The following ADAMTSL1 variants were observed in gnomAD, a reference collection of about 807,000 sequenced individuals.
ADAMTSL1 encodes ADAMTS like 1.
Under a neutral mutation model 201.8 loss-of-function variants are expected in ADAMTSL1, and 126 were observed. That is an observed-to-expected ratio of 0.62 (90% CI 0.54 to 0.72). The LOEUF (loss-of-function observed/expected upper bound fraction) is 0.72. Among genes scored for constraint, ADAMTSL1 ranks in the 30% least tolerant of loss-of-function variants. ADAMTSL1 has a pLI of 0.00. For missense variants in ADAMTSL1, 2,679 were observed against 2,277.8 expected (o/e 1.18, Z -3.59); for synonymous variants, 1,121 against 903.4 (o/e 1.24, Z -4.32).
intron 19 of ADAMTSL1, 108 bp downstream of exon 19, chr9:18,778,014 A>T (rs568062278): frequency 4.9e-5 from 69 of 1,421,130 alleles, no homozygotes; most frequent in Non-Finnish European, 1.9e-6. Context: ...TAGGGCTTAG[A>T]GCTGGCCTCG....
intron 7 of ADAMTSL1, among the ~76,000 whole-genome samples, chr9:18,647,188 G>A (rs1827871344): frequency 6.6e-6 from 1 of 152,126 alleles, no homozygotes; most frequent in Non-Finnish European, 1.5e-5. Context: ...GGTGCTTGTA[G>A]TATCCTCTGA....
At chr9:18,715,923 AATAACGCCGCAT>A (rs1278278228) in intron 14 of ADAMTSL1, among the ~76,000 whole-genome samples, 1 of 151,794 alleles carries the variant, frequency 6.6e-6, no homozygotes, top group African/African-American at 2.4e-5. Flanking sequence ...AGCCCTCAGA[AATAACGCCGCAT>A]ATCTACAACT....
intron 1 of ADAMTSL1, among the ~76,000 whole-genome samples, chr9:17,984,323 T>C (rs527951630): frequency 6.6e-6 from 1 of 152,268 alleles, no homozygotes; most frequent in East Asian, 1.9e-4. Context: ...TCCCAATGAC[T>C]AGCTGGCTGA....
chr9:18,854,115 C>G (rs1406270251), intron 23 of ADAMTSL1, among the ~76,000 whole-genome samples: 1 of 152,078 alleles, frequency 6.6e-6, no homozygotes, highest in Non-Finnish European at 1.5e-5. Context: ...ACTCTCATCT[C>G]CTATAATTAG....
At chr9:18,075,692 GA>G (rs1377058062) in intron 1 of ADAMTSL1, among the ~76,000 whole-genome samples, 1 of 152,204 alleles carries the variant, frequency 6.6e-6, no homozygotes, top group African/African-American at 2.4e-5. Context: ...ATTAGGGAAA[GA>G]AAGTAACATC....
chr9:18,112,640 T>C (rs986963960), intron 1 of ADAMTSL1, among the ~76,000 whole-genome samples: 1 of 152,072 alleles, frequency 6.6e-6, no homozygotes, highest in Admixed American at 6.6e-5. Flanking sequence ...AATTGCAATA[T>C]AGTGATGAGC....
At chr9:18,377,135 C>A (rs1022624295) in intron 2 of ADAMTSL1, among the ~76,000 whole-genome samples, 2 of 152,164 alleles carry the variant, frequency 1.3e-5, no homozygotes, top group African/African-American at 4.8e-5. Flanking sequence ...CGGTTAAGAC[C>A]ATGGGCTCTG....
intron 1 of ADAMTSL1, among the ~76,000 whole-genome samples, chr9:18,091,566 C>G (rs1431700190): frequency 6.6e-6 from 1 of 152,150 alleles, no homozygotes; most frequent in Non-Finnish European, 1.5e-5. Context: ...GTCTAGGACA[C>G]TAAGACATTA....
intron 2 of ADAMTSL1, among the ~76,000 whole-genome samples, chr9:18,210,461 A>G (rs1213096047): frequency 5.4e-5 from 8 of 147,102 alleles, no homozygotes; most frequent in African/African-American, 2.0e-4. Flanking sequence ...ATAAATATAT[A>G]TTAATTATAT....
intron 1 of ADAMTSL1, among the ~76,000 whole-genome samples, chr9:17,928,129 G>A (rs1331305128): frequency 6.6e-6 from 1 of 151,762 alleles, no homozygotes; most frequent in Admixed American, 6.6e-5. Flanking sequence ...CAAGTAGCTG[G>A]GACTACAGGG....
chr9:18,345,629 A>T (rs961632229), intron 2 of ADAMTSL1, among the ~76,000 whole-genome samples: 1 of 152,170 alleles, frequency 6.6e-6, no homozygotes, highest in Admixed American at 6.5e-5. Context: ...TGCAAAAATA[A>T]TAATAAAATT....
intron 15 of ADAMTSL1, chr9:18,723,320 C>T: frequency 1.8e-6 from 1 of 551,182 alleles, no homozygotes. Flanking sequence ...GAAAAACATG[C>T]AAAAGGGTCT....
chr9:18,694,475 T>G (rs1831428016), intron 13 of ADAMTSL1, among the ~76,000 whole-genome samples: 1 of 152,120 alleles, frequency 6.6e-6, no homozygotes, highest in African/African-American at 2.4e-5. Flanking sequence ...GTACAGGCAT[T>G]GGGTAAATAC....
At chr9:18,289,198 G>A (rs1462877791) in intron 2 of ADAMTSL1, among the ~76,000 whole-genome samples, 3 of 146,144 alleles carry the variant, frequency 2.1e-5, no homozygotes, top group African/African-American at 7.6e-5. Context: ...TCTATAGAGA[G>A]ATATGGATAT....
At chr9:18,575,397 T>C (rs950280939) in intron 4 of ADAMTSL1, among the ~76,000 whole-genome samples, 11 of 152,178 alleles carry the variant, frequency 7.2e-5, no homozygotes, top group East Asian at 5.8e-4. Context: ...ACAAGAGATA[T>C]ATGAATTTCA....
chr9:18,200,121 A>G (rs768043473), intron 2 of ADAMTSL1, among the ~76,000 whole-genome samples: 5 of 152,056 alleles, frequency 3.3e-5, no homozygotes, highest in Non-Finnish European at 7.4e-5. Flanking sequence ...ACTATGTAAT[A>G]TACCAAGTGA....
chr9:18,787,383 A>C (rs2033543), intron 19 of ADAMTSL1, among the ~76,000 whole-genome samples: 93,750 of 151,910 alleles, frequency 0.62, 29,533 homozygotes, highest in East Asian at 0.97. Context: ...CCAGTGGCAA[A>C]CAGACAGTAC....
intron 1 of ADAMTSL1, among the ~76,000 whole-genome samples, chr9:18,080,315 G>A (rs1049263264): frequency 6.6e-6 from 1 of 152,180 alleles, no homozygotes; most frequent in Non-Finnish European, 1.5e-5. Context: ...AGGAGCGGTG[G>A]TTTTTGTAAG....
chr9:18,736,201 A>G (rs1216442387), intron 15 of ADAMTSL1, among the ~76,000 whole-genome samples: 1 of 152,186 alleles, frequency 6.6e-6, no homozygotes, highest in Admixed American at 6.5e-5. Flanking sequence ...GATCTCCCTC[A>G]CAAGATGCGC....
Sources: gnomAD v4.1 joint callset for allele counts (sites outside exome capture counted in the v4.1 genomes callset) on GRCh38, gnomAD v4.1.1 for gene constraint, MANE v1.5 for transcripts, NCBI Gene and HGNC (gene_info 2026-07-23, HGNC 2026-07-21) for gene names.